SLC12A8: variants seen among roughly 807,000 people sequenced by gnomAD.
The protein encoded by SLC12A8 is solute carrier family 12 member 8, also known as cation-chloride cotransporter 9.
A neutral mutation model predicts 75.6 loss-of-function variants in SLC12A8; 69 were observed. That is an observed-to-expected ratio of 0.91 (90% CI 0.75 to 1.11). The LOEUF (loss-of-function observed/expected upper bound fraction) is 1.11. Ranked by LOEUF, SLC12A8 falls within the 50% of genes most tolerant of loss-of-function variation. SLC12A8 has a pLI of 0.00. For synonymous variants in SLC12A8, 365 were observed against 372.8 expected, an observed-to-expected ratio of 0.98 and a Z score of 0.24; for missense variants, 877 against 896.7, an observed-to-expected ratio of 0.98 and a Z score of 0.28.
At chr3:125,128,177 ATTTTTATTTTT>A (rs111788682) in intron 6 of SLC12A8, among the ~76,000 whole-genome samples, 13,554 of 98,248 alleles carry the variant, frequency 0.14, 1,919 homozygotes, top group African/African-American at 0.37. Flanking sequence ...GCCTAAGCTT[ATTTTTATTTTT>A]TTTTTTTTTT....
At position 125,083,759 on chromosome 3, in the gene SLC12A8, C is replaced by A; in HGVS notation, c.*131G>T. 1 of 868,474 alleles carries A rather than the reference C, an allele frequency of 1.2e-6. No homozygotes were observed. Among genetic ancestry groups the A allele is most frequent in the South Asian group, 2.0e-5 (1 of 49,112 alleles). 53.8% of individuals were successfully genotyped at this position (868,474 alleles called of 1,614,324 possible). A position where few individuals can be genotyped will look rare whatever the true frequency, so the allele number is the denominator to read the frequency against. On this transcript the variant is annotated 3_prime_UTR_variant, in exon 14 of 14. Coordinates refer to ENST00000469902, the MANE Select transcript of SLC12A8 (RefSeq NM_024628.6). ...AAAGGGAAAAGAAAATGTAGATTTCCATTGTCCAAAGTGACAGCGGGAGGA... is the reference window on the plus strand; with the variant it reads ...AAAGGGAAAAGAAAATGTAGATTTCAATTGTCCAAAGTGACAGCGGGAGGA...
intron 5 of SLC12A8, among the ~76,000 whole-genome samples, chr3:125,170,864 G>T (rs911694472): frequency 1.3e-5 from 2 of 152,124 alleles, no homozygotes; most frequent in Non-Finnish European, 2.9e-5. Flanking sequence ...GCAGTGAGCC[G>T]AGATCACGCC....
chr3:125,161,318 T>C (rs767192042), intron 5 of SLC12A8, among the ~76,000 whole-genome samples: 17 of 152,260 alleles, frequency 1.1e-4, no homozygotes, highest in Non-Finnish European at 1.5e-4. Context: ...AACAACTGTA[T>C]CTTTCTTAAC....
intron 2 of SLC12A8, among the ~76,000 whole-genome samples, chr3:125,202,527 T>C (rs1935143474): frequency 6.6e-6 from 1 of 152,122 alleles, no homozygotes; most frequent in Non-Finnish European, 1.5e-5. Context: ...AAATGCAGTA[T>C]TTTGTCTATA....
intron 5 of SLC12A8, among the ~76,000 whole-genome samples, chr3:125,173,709 A>G (rs1934458556): frequency 6.6e-6 from 1 of 152,202 alleles, no homozygotes; most frequent in Admixed American, 6.5e-5. Flanking sequence ...TAAAAGAATG[A>G]AAGAACCAAC....
chr3:125,112,527 A>C (rs900115796), intron 8 of SLC12A8, among the ~76,000 whole-genome samples: 1 of 152,174 alleles, frequency 6.6e-6, no homozygotes. Flanking sequence ...CCTCATGCAG[A>C]ATCTGGCAAG....
chr3:125,137,927 ACACGCTCACG>A (rs1560064261), intron 5 of SLC12A8, among the ~76,000 whole-genome samples: 5 of 151,724 alleles, frequency 3.3e-5, no homozygotes, highest in African/African-American at 1.2e-4. Context: ...GCTCACGCTC[ACACGCTCACG>A]CTCACACTCA....
intron 6 of SLC12A8, among the ~76,000 whole-genome samples, chr3:125,124,760 G>A (rs1000149506): frequency 6.6e-6 from 1 of 152,214 alleles, no homozygotes; most frequent in African/African-American, 2.4e-5. Flanking sequence ...GTTAGAGCTA[G>A]AAAAATTATT....
At chr3:125,106,781 A>G (rs1939037030) in intron 10 of SLC12A8, among the ~76,000 whole-genome samples, 1 of 152,150 alleles carries the variant, frequency 6.6e-6, no homozygotes, top group African/African-American at 2.4e-5. Context: ...CAGACAATAC[A>G]ATGCAGGGTG....
chr3:125,116,993 T>C (rs551169558), intron 8 of SLC12A8, among the ~76,000 whole-genome samples: 1 of 152,296 alleles, frequency 6.6e-6, no homozygotes, highest in East Asian at 1.9e-4. Flanking sequence ...GAGCAAACCT[T>C]GCCACCTGGG....
At chr3:125,120,516 G>T in intron 7 of SLC12A8, 83 bp downstream of exon 7, 4 of 1,000,768 alleles carry the variant, frequency 4.0e-6, no homozygotes, top group Non-Finnish European at 6.2e-6. Flanking sequence ...GGCACTCTCA[G>T]AACAAAAGGG....
chr3:125,208,415 AC>A (rs1376500051), intron 2 of SLC12A8, among the ~76,000 whole-genome samples: 1 of 151,580 alleles, frequency 6.6e-6, no homozygotes, highest in Non-Finnish European at 1.5e-5. Context: ...TTATACCACT[AC>A]CCCCTGGATT....
intron 6 of SLC12A8, among the ~76,000 whole-genome samples, chr3:125,124,645 C>T (rs2945118): frequency 0.13 from 19,144 of 152,170 alleles, 1,536 homozygotes; most frequent in Admixed American, 0.17. Context: ...GTTATAGGGG[C>T]TCACACACTG....
intron 13 of SLC12A8, 25 bp downstream of exon 13, chr3:125,088,285 G>A (rs183090687): frequency 2.6e-5 from 42 of 1,612,496 alleles, no homozygotes; most frequent in Non-Finnish European, 3.4e-5. Context: ...ATCCATTCTG[G>A]TACTGGCTCC....
intron 2 of SLC12A8, among the ~76,000 whole-genome samples, chr3:125,208,607 G>A (rs1164356709): frequency 2.6e-5 from 4 of 151,920 alleles, no homozygotes; most frequent in African/African-American, 9.7e-5. Flanking sequence ...GAGGCTTAGT[G>A]AGGTTACGAA....
At chr3:125,178,283 C>T (rs962727738) in intron 4 of SLC12A8, among the ~76,000 whole-genome samples, 2 of 152,146 alleles carry the variant, frequency 1.3e-5, no homozygotes, top group Non-Finnish European at 2.9e-5. Flanking sequence ...CTAAAGAGGC[C>T]TCCGGATTTC....
chr3:125,142,390 G>A (rs1024038667), intron 5 of SLC12A8, among the ~76,000 whole-genome samples: 1 of 152,212 alleles, frequency 6.6e-6, no homozygotes, highest in Non-Finnish European at 1.5e-5. Flanking sequence ...TGCAAAGGGT[G>A]AAGCAGTTAC....
At chr3:125,127,523 G>A (rs1933238285) in intron 6 of SLC12A8, among the ~76,000 whole-genome samples, 1 of 152,158 alleles carries the variant, frequency 6.6e-6, no homozygotes, top group Non-Finnish European at 1.5e-5. Context: ...CCTGTGGGAG[G>A]ATCTAGGTTC....
intron 5 of SLC12A8, among the ~76,000 whole-genome samples, chr3:125,167,835 C>T (rs562002704): frequency 1.2e-4 from 18 of 152,256 alleles, no homozygotes; most frequent in Non-Finnish European, 1.3e-4. Context: ...TGAATAAACA[C>T]GTTTTGCGGA....
Sources: gnomAD v4.1 joint callset for allele counts (sites outside exome capture counted in the v4.1 genomes callset) on GRCh38, gnomAD v4.1.1 for gene constraint, MANE v1.5 for transcripts, NCBI Gene and HGNC (gene_info 2026-07-23, HGNC 2026-07-21) for gene names.